Variants in KLHL1 observed in about 807,000 individuals in gnomAD.
The protein encoded by KLHL1 is kelch like family member 1.
Under a neutral mutation model 77.7 loss-of-function variants are expected in KLHL1, and 47 were observed. The observed-to-expected ratio is 0.60, with a 90% CI of 0.48 to 0.77. The LOEUF is 0.77. Ranked by LOEUF, KLHL1 falls within the 30% of genes least tolerant of loss-of-function variation. KLHL1 has a pLI of 0.00. For missense variants in KLHL1, 925 were observed against 910.8 expected (o/e 1.02, Z -0.20); for synonymous variants, 360 against 325.2 (o/e 1.11, Z -1.15).
intron 5 of KLHL1, among the ~76,000 whole-genome samples, chr13:69,844,536 C>A (rs1427899099): frequency 6.6e-6 from 1 of 151,566 alleles, no homozygotes; most frequent in Non-Finnish European, 1.5e-5. Flanking sequence ...TTCATCTAAA[C>A]CTCATTACCT....
chr13:69,805,093 C>T (rs551183091), intron 6 of KLHL1, among the ~76,000 whole-genome samples: 5 of 151,560 alleles, frequency 3.3e-5, no homozygotes, highest in Non-Finnish European at 7.4e-5. Flanking sequence ...AATATTTTTC[C>T]AGCACAAATA....
At chr13:69,833,969 T>C (rs1365159462) in intron 6 of KLHL1, among the ~76,000 whole-genome samples, 1 of 151,864 alleles carries the variant, frequency 6.6e-6, no homozygotes, top group Non-Finnish European at 1.5e-5. Context: ...TTACTCCCAG[T>C]GAAGTAACCC....
chr13:69,808,513 T>C (rs750064895), intron 6 of KLHL1, among the ~76,000 whole-genome samples: 1 of 151,996 alleles, frequency 6.6e-6, no homozygotes, highest in Non-Finnish European at 1.5e-5. Flanking sequence ...AAACACCATA[T>C]ACGCCACAGT....
chr13:70,019,420 C>T (rs9599532), intron 1 of KLHL1, among the ~76,000 whole-genome samples: 1 of 151,814 alleles, frequency 6.6e-6, no homozygotes, highest in Non-Finnish European at 1.5e-5. Flanking sequence ...TACTTTTTCA[C>T]CAGCTAGCTT....
chr13:69,936,592 C>CAAAAAAAA (rs57906720), intron 4 of KLHL1, among the ~76,000 whole-genome samples: 2 of 79,992 alleles, frequency 2.5e-5, no homozygotes, highest in Non-Finnish European at 2.5e-5. Flanking sequence ...GACTCCATCT[C>CAAAAAAAA]AAAAAAAAAA....
At chr13:69,781,178 A>C (rs914428865) in intron 7 of KLHL1, among the ~76,000 whole-genome samples, 1 of 152,010 alleles carries the variant, frequency 6.6e-6, no homozygotes, top group African/African-American at 2.4e-5. Context: ...AATGTCAAGA[A>C]CTCTGTGAAT....
chr13:69,790,386 C>T (rs536552239), intron 7 of KLHL1, among the ~76,000 whole-genome samples: 1 of 152,214 alleles, frequency 6.6e-6, no homozygotes, highest in African/African-American at 2.4e-5. Flanking sequence ...GTGGTTGCCA[C>T]CAATCCACTA....
Position 69,701,627 on chromosome 13 carries a change from G to A in KLHL1, c.*75C>T, listed in dbSNP as rs896931167. 9.9e-7 allele frequency: 1 copy of A among 1,014,020 alleles called. No homozygotes were observed. Among genetic ancestry groups the A allele is most frequent in the African/African-American group, 1.6e-5 (1 of 61,132 alleles). The allele number at this position is 1,014,020 out of a possible 1,614,324, so 62.8% of individuals were successfully genotyped here. Reference sequence around the variant, plus strand: ...TCTTGAAGAGTTTTCATCTCTGGAAGTTCTCATTCTTGCCATTCAATATAA... The same window carrying A: ...TCTTGAAGAGTTTTCATCTCTGGAAATTCTCATTCTTGCCATTCAATATAA... On this transcript the variant is annotated 3_prime_UTR_variant, in exon 11 of 11. Transcript: ENST00000377844.
At chr13:69,899,246 A>T (rs1214508076) in intron 4 of KLHL1, among the ~76,000 whole-genome samples, 1 of 152,204 alleles carries the variant, frequency 6.6e-6, no homozygotes, top group African/African-American at 2.4e-5. Context: ...GGGTGAGGGC[A>T]AGCAAATCCA....
chr13:69,936,420 CT>C (rs35944932), intron 4 of KLHL1, among the ~76,000 whole-genome samples: 59,347 of 151,548 alleles, frequency 0.39, 12,251 homozygotes, highest in Non-Finnish European at 0.47. Flanking sequence ...GAAACCTCGT[CT>C]CTACTAAAAA....
At chr13:69,740,658 T>A in intron 7 of KLHL1, 102 bp from the exon 8 acceptor site, 1 of 766,880 alleles carries the variant, frequency 1.3e-6, no homozygotes, top group Non-Finnish European at 1.9e-6. Flanking sequence ...GTCCCTAACA[T>A]AATAAAATGA....
intron 7 of KLHL1, among the ~76,000 whole-genome samples, chr13:69,744,079 T>C (rs1874100792): frequency 6.6e-6 from 1 of 152,148 alleles, no homozygotes; most frequent in Non-Finnish European, 1.5e-5. Context: ...TCAGCAATTA[T>C]ATGGCTTTTA....
intron 6 of KLHL1, among the ~76,000 whole-genome samples, chr13:69,810,316 AC>A (rs1419177687): frequency 9.9e-5 from 15 of 152,150 alleles, no homozygotes; most frequent in Admixed American, 9.8e-4. Flanking sequence ...TAAATTAAAA[AC>A]AAATTTTAAT....
chr13:70,031,041 C>A (rs1886084530), intron 1 of KLHL1, among the ~76,000 whole-genome samples: 1 of 152,000 alleles, frequency 6.6e-6, no homozygotes, highest in African/African-American at 2.4e-5. Context: ...AAGACTAAAC[C>A]AGGAAGAAGT....
chr13:70,039,783 G>A (rs988123705), intron 1 of KLHL1, among the ~76,000 whole-genome samples: 2 of 151,728 alleles, frequency 1.3e-5, no homozygotes, highest in Admixed American at 1.3e-4. Flanking sequence ...GGAACTATAG[G>A]TATGTACCAT....
intron 7 of KLHL1, among the ~76,000 whole-genome samples, chr13:69,747,921 C>G (rs1424386580): frequency 6.6e-6 from 1 of 151,822 alleles, no homozygotes; most frequent in Non-Finnish European, 1.5e-5. Flanking sequence ...GCAAAATATA[C>G]TAATTAAATA....
chr13:70,090,658 T>G (rs9317877), intron 1 of KLHL1, among the ~76,000 whole-genome samples: 29,727 of 151,836 alleles, frequency 0.2, 3,069 homozygotes, highest in East Asian at 0.24. Flanking sequence ...AAAGAAGATC[T>G]GAAACTTTCT....
chr13:69,932,129 G>T (rs1463732512), intron 4 of KLHL1, among the ~76,000 whole-genome samples: 1 of 151,604 alleles, frequency 6.6e-6, no homozygotes, highest in Non-Finnish European at 1.5e-5. Flanking sequence ...AATGAGACAG[G>T]TGCTATACTA....
intron 6 of KLHL1, among the ~76,000 whole-genome samples, chr13:69,805,964 T>A (rs1877599756): frequency 6.6e-6 from 1 of 151,980 alleles, no homozygotes; most frequent in African/African-American, 2.4e-5. Flanking sequence ...AAAAACCCTA[T>A]CAGATATTAA....
Sources: allele counts gnomAD v4.1 joint callset (sites outside exome capture counted in the v4.1 genomes callset), GRCh38; gene constraint gnomAD v4.1.1; transcripts MANE v1.5; gene names NCBI Gene and HGNC (gene_info 2026-07-23, HGNC 2026-07-21).